The following KCTD15 variants were observed in gnomAD, a reference collection of about 807,000 sequenced individuals.
The protein encoded by KCTD15 is BTB/POZ domain-containing protein KCTD15.
In KCTD15, 11 loss-of-function variants were observed where a neutral mutation model predicts 27.2. That is an observed-to-expected ratio of 0.41 (90% CI 0.25 to 0.67). KCTD15 has a LOEUF of 0.67. KCTD15 is among the 30% of genes least tolerant of loss of function. The probability of loss-of-function intolerance (pLI) is 0.35; values close to 1 mark genes in which losing one functional copy is unlikely to be tolerated. For missense variants in KCTD15, 350 were observed against 409.3 expected (o/e 0.86, Z 1.25); for synonymous variants, 163 against 176.0 (o/e 0.93, Z 0.58).
intron 4 of KCTD15, among the ~76,000 whole-genome samples, chr19:33,806,509 C>T (rs975332302): frequency 1.3e-5 from 2 of 152,074 alleles, no homozygotes; most frequent in African/African-American, 4.8e-5. Flanking sequence ...GTGTGTGCAC[C>T]AGGCCTGTGA....
chr19:33,813,165 C>G lies in KCTD15; in HGVS notation c.*217C>G. ...GGACTGTTGATGCGACCCAAAGATACAGCGGTGGGATCTCTGCTGCCAGCT... is the reference window on the plus strand; with the variant it reads ...GGACTGTTGATGCGACCCAAAGATAGAGCGGTGGGATCTCTGCTGCCAGCT... On this transcript the variant is annotated 3_prime_UTR_variant, in exon 7 of 7. Coordinates refer to ENST00000683859, the MANE Select transcript of KCTD15 (RefSeq NM_001129994.2). The G allele has an allele frequency of 1.6e-6, 1 of 626,306 alleles. No individual in the cohort carries two copies. The highest frequency in any genetic ancestry group is 2.9e-6 in the Non-Finnish European group (1 of 349,804). The allele number at this position is 626,306 out of a possible 1,614,324, so 38.8% of individuals were successfully genotyped here.
intron 4 of KCTD15, among the ~76,000 whole-genome samples, chr19:33,806,213 CTGAG>C (rs1453506359): frequency 3.9e-5 from 6 of 152,144 alleles, no homozygotes; most frequent in South Asian, 2.1e-4. Context: ...TGTGGGCTCC[CTGAG>C]TGAGCGGCAG....
At position 33,803,302 on chromosome 19, in the gene KCTD15, C is replaced by G. The variant is rs571478795; in HGVS notation, c.242+1960C>G. Among the ~76,000 whole-genome samples, 17 of 152,362 alleles carry G rather than the reference C, an allele frequency of 1.1e-4. No homozygotes were observed. In the East Asian group the frequency reaches 3.3e-3, roughly 29 times the overall value. On this transcript the variant is annotated intron_variant, in intron 4 of 6. Transcript: ENST00000683859. ...CAGGCAGCTGTGCTGGCAAGAGCCC[C>G]TCAGATCTCTCTTGTCCTTCCTGTA...
chr19:33,813,176 T>C lies in KCTD15; in HGVS notation c.*228T>C, dbSNP rs1351812321. ...GCGACCCAAAGATACAGCGGTGGGA[T>C]CTCTGCTGCCAGCTCTCCCAGCCCC... On this transcript the variant is annotated 3_prime_UTR_variant, in exon 7 of 7. Coordinates refer to ENST00000683859, the MANE Select transcript of KCTD15 (RefSeq NM_001129994.2). 1 of 624,982 alleles carries C rather than the reference T, an allele frequency of 1.6e-6. No individual in the cohort carries two copies. The highest frequency in any genetic ancestry group is 2.9e-6 in the Non-Finnish European group (1 of 347,686). 38.7% of individuals were successfully genotyped at this position (624,982 alleles called of 1,614,324 possible). A position where few individuals can be genotyped will look rare whatever the true frequency, so the allele number is the denominator to read the frequency against.
intron 4 of KCTD15, among the ~76,000 whole-genome samples, chr19:33,806,501 G>A (rs1271403187): frequency 6.6e-6 from 1 of 152,174 alleles, no homozygotes; most frequent in African/African-American, 2.4e-5. Flanking sequence ...TGGCAAGGGT[G>A]TGTGCACCAG....
intron 6 of KCTD15, chr19:33,811,988 C>T (rs1257425052): frequency 6.8e-7 from 1 of 1,477,684 alleles, no homozygotes; most frequent in East Asian, 2.4e-5. Context: ...CAAGAGAATC[C>T]CTGGACCGGC....
chr19:33,797,323 C>G (rs1195933412), intron 1 of KCTD15: 2 of 419,912 alleles, frequency 4.8e-6, no homozygotes, highest in Non-Finnish European at 4.8e-6. Context: ...TCCCCGCACT[C>G]TGGCCCCTGT....
Position 33,815,199 on chromosome 19 carries a change from TAAAG to T in KCTD15, c.*2254_*2257del, listed in dbSNP as rs756746446. 7.2e-5 allele frequency: 11 copies of T among 152,288 alleles called. No individual in the cohort carries two copies. The highest frequency in any genetic ancestry group is 4.1e-4 in the South Asian group (2 of 4,828). 9.4% of individuals were successfully genotyped at this position (152,288 alleles called of 1,614,324 possible). A position where few individuals can be genotyped will look rare whatever the true frequency, so the allele number is the denominator to read the frequency against. ...TTGTGCTAAAAATAAAATTTATTAA[TAAAG>T]AAGGGGAAAAAGGAGTAACTCTACC... On this transcript the variant is annotated 3_prime_UTR_variant, in exon 7 of 7. Coordinates refer to ENST00000683859, the MANE Select transcript of KCTD15 (RefSeq NM_001129994.2).
At chr19:33,797,327 C>A in intron 1 of KCTD15, 2 of 427,060 alleles carry the variant, frequency 4.7e-6, no homozygotes, top group Admixed American at 2.7e-5. Flanking sequence ...CGCACTCTGG[C>A]CCCTGTTCTG....
chr19:33,812,608 C>A (rs1179764503), intron 6 of KCTD15, 182 bp from the exon 7 acceptor site: 1 of 1,294,010 alleles, frequency 7.7e-7, no homozygotes, highest in Non-Finnish European at 9.8e-7. Context: ...CCACTTCTGT[C>A]CCTCTGGTGG....
chr19:33,795,637 C>T (rs1975297106), upstream of KCTD15, among the ~76,000 whole-genome samples: 1 of 152,000 alleles, frequency 6.6e-6, no homozygotes, highest in Non-Finnish European at 1.5e-5. Flanking sequence ...GGGAAATGGT[C>T]GCCGAGGAGG....
chr19:33,799,554 G>A (rs543982530), intron 2 of KCTD15: 1 of 152,410 alleles, frequency 6.6e-6, no homozygotes, highest in Admixed American at 6.5e-5. Flanking sequence ...AAGCGCCCCT[G>A]GGTGTGGCTT....
chr19:33,800,439 A>C lies in KCTD15; in HGVS notation c.-16A>C. On this transcript the variant is annotated 5_prime_UTR_variant, in exon 3 of 7. Coordinates refer to ENST00000683859, the MANE Select transcript of KCTD15 (RefSeq NM_001129994.2). ...GATGCCTCCCGCAGATACTCTGGGC[A>C]GGGATGGAAGCCTAGATGCCTCACC... 6.3e-7 allele frequency: 1 copy of C among 1,599,918 alleles called. No individual in the cohort carries two copies. The highest frequency in any genetic ancestry group is 8.5e-7 in the Non-Finnish European group (1 of 1,174,394).
chr19:33,805,409 A>G (rs919797106), intron 4 of KCTD15, among the ~76,000 whole-genome samples: 1 of 152,154 alleles, frequency 6.6e-6, no homozygotes, highest in Non-Finnish European at 1.5e-5. Context: ...CTGCCCAGCT[A>G]GTGTGTCCTG....
At chr19:33,809,888 A>G (rs550337985) in intron 5 of KCTD15, among the ~76,000 whole-genome samples, 2 of 152,234 alleles carry the variant, frequency 1.3e-5, no homozygotes, top group Non-Finnish European at 2.9e-5. Flanking sequence ...TAAAATAAAA[A>G]TCTCAGGAGC....
Position 33,797,281 on chromosome 19 carries a change from TGTGCGCGCGCGC to T in KCTD15, c.-127+296_-127+307del, listed in dbSNP as rs1310997289. 1.0e-4 allele frequency: 17 copies of T among 170,854 alleles called. 1 individual carries two copies. The highest frequency in any genetic ancestry group is 3.0e-4 in the Admixed American group (4 of 13,190). 10.6% of individuals were successfully genotyped at this position (170,854 alleles called of 1,614,324 possible). A position where few individuals can be genotyped will look rare whatever the true frequency, so the allele number is the denominator to read the frequency against. ...GTGTGTGTGTGTGTGTGTGTGTGTG[TGTGCGCGCGCGC>T]GCGCGCGCGCTTGTGGAGGTCCCCG... On this transcript the variant is annotated intron_variant, in intron 1 of 6. Transcript: ENST00000683859.
chr19:33,802,022 T>C (rs149892293), intron 4 of KCTD15, among the ~76,000 whole-genome samples: 1,994 of 152,270 alleles, frequency 0.013, 34 homozygotes, highest in African/African-American at 0.046. Flanking sequence ...GCTGAACTTA[T>C]AGGCTGCCCA....
intron 3 of KCTD15, 110 bp from the exon 4 acceptor site, chr19:33,801,056 TG>T (rs764327036): frequency 3.0e-6 from 3 of 1,013,276 alleles, no homozygotes; most frequent in Non-Finnish European, 4.3e-6. Flanking sequence ...AGAAGTGATC[TG>T]ATTAGATCTG....
intron 6 of KCTD15, 122 bp from the exon 7 acceptor site, chr19:33,812,666 CTG>C (rs1301791875): frequency 5.8e-6 from 8 of 1,384,154 alleles, no homozygotes; most frequent in Non-Finnish European, 7.5e-6. Flanking sequence ...GTGAGCAAGA[CTG>C]AGATCGTCAC....
Sources: gnomAD v4.1 joint callset for allele counts (sites outside exome capture counted in the v4.1 genomes callset) on GRCh38, gnomAD v4.1.1 for gene constraint, MANE v1.5 for transcripts, NCBI Gene and HGNC (gene_info 2026-07-23, HGNC 2026-07-21) for gene names.